TSC2: variants seen among roughly 807,000 people sequenced by gnomAD.
TSC2 encodes tuberin.
In TSC2, 29 loss-of-function variants were observed where a neutral mutation model predicts 202.2. The ratio of observed to expected loss-of-function variants is 0.14; its 90% CI spans 0.11 to 0.20. The LOEUF is 0.20. Among genes scored for constraint, TSC2 ranks in the 10% least tolerant of loss-of-function variants. The pLI is 1.00. For missense variants in TSC2, 2,429 were observed against 2,420.0 expected (o/e 1.00, Z -0.08); for synonymous variants, 1,349 against 1,044.0 (o/e 1.29, Z -5.63).
At chr16:2,080,014 C>T in intron 29 of TSC2, 151 bp from the exon 30 acceptor site, 1 of 1,083,512 alleles carries the variant, frequency 9.2e-7, no homozygotes, top group South Asian at 1.4e-5. Context: ...GAGGCCAGCA[C>T]TGTGGTGGGC....
intron 38 of TSC2, 58 bp from the exon 39 acceptor site, chr16:2,087,805 G>T (rs116828573): frequency 1.3e-6 from 2 of 1,593,088 alleles, no homozygotes; most frequent in Middle Eastern, 1.7e-4. Flanking sequence ...GGCAGTAGCC[G>T]AGATCAGCCT....
In TSC2 at chr16:2,056,239, A is replaced by G. The variant is rs1293515155; in HGVS notation, c.643A>G (p.Ile215Val). ...LCVRTASSVD[I>V]EVSLQVLDAV... ...CGTCCGGACCGCGTCCTCTGTGGAC[A>G]TAGAGGTCAGTGCCTCCCCTCCCCA... The change falls in exon 7 of 42, where the codon ATA (isoleucine) becomes GTA (valine). Residue 215 changes from isoleucine to valine, a missense_variant. Coordinates refer to ENST00000219476, the MANE Select transcript of TSC2 (RefSeq NM_000548.5). 8.1e-6 allele frequency: 13 copies of G among 1,613,892 alleles called. No homozygotes were observed. The highest frequency in any genetic ancestry group is 4.5e-5 in the East Asian group (2 of 44,892).
At chr16:2,075,942 G>T in intron 23 of TSC2, 50 bp downstream of exon 23, 1 of 1,612,578 alleles carries the variant, frequency 6.2e-7, no homozygotes, top group Non-Finnish European at 8.5e-7. Flanking sequence ...CCCCCGCTAG[G>T]CCTTGCGGCA....
At chr16:2,050,807 T>G (rs1274957973) in intron 3 of TSC2, among the ~76,000 whole-genome samples, 3 of 151,710 alleles carry the variant, frequency 2.0e-5, no homozygotes, top group Non-Finnish European at 4.4e-5. Flanking sequence ...CAGGCTGGTC[T>G]TGAACTCCTG....
chr16:2,071,740 C>A (rs2151302409), intron 18 of TSC2, 44 bp from the exon 19 acceptor site: 1 of 1,598,734 alleles, frequency 6.3e-7, no homozygotes, highest in Non-Finnish European at 8.5e-7. Flanking sequence ...TGTTCCGTTC[C>A]TGCTGCGGGG....
chr16:2,049,479 A>G (rs1296120771), intron 2 of TSC2, among the ~76,000 whole-genome samples: 2 of 152,222 alleles, frequency 1.3e-5, no homozygotes, highest in Non-Finnish European at 2.9e-5. Flanking sequence ...TTGCACTTGT[A>G]AAGTTTTCTA....
At chr16:2,063,225 C>A in intron 14 of TSC2, 172 bp downstream of exon 14, 1 of 806,110 alleles carries the variant, frequency 1.2e-6, no homozygotes, top group Non-Finnish European at 2.0e-6. Context: ...CACTGGCTTG[C>A]TCGTCCTGGG....
Position 2,080,648 on chromosome 16 carries a change from C to T in TSC2, c.3610+271C>T, listed in dbSNP as rs578196360. On this transcript the variant is annotated intron_variant, in intron 30 of 41. Coordinates refer to ENST00000219476, the MANE Select transcript of TSC2 (RefSeq NM_000548.5). ...ACAGGCGCCCGCCACCACGCCTGGC[C>T]AATTTTTTTGTATTTCTAGTAGAGA... The T allele has an allele frequency of 1.5e-3, 682 of 462,242 alleles. 3 individuals are homozygous for T. Among genetic ancestry groups the T allele is most frequent in the South Asian group, 4.4e-3 (195 of 44,638 alleles). The allele number at this position is 462,242 out of a possible 1,614,324, so 28.6% of individuals were successfully genotyped here.
rs544340999 is a variant in TSC2 at position 2,089,398 on chromosome 16, G to C, written c.*788G>C. On this transcript the variant is annotated 3_prime_UTR_variant, in exon 42 of 42. Transcript: ENST00000219476. Reference sequence around the variant, plus strand: ...ACCCTCCCTGAAGCCAGCAGCCTTAGCAGTGGGGGACATCTGCCCAGGGGG... The same window carrying C: ...ACCCTCCCTGAAGCCAGCAGCCTTACCAGTGGGGGACATCTGCCCAGGGGG... 1 of 439,276 alleles carries C rather than the reference G, an allele frequency of 2.3e-6. No homozygotes were observed. The highest frequency in any genetic ancestry group is 3.8e-5 in the Admixed American group (1 of 26,282). The allele number at this position is 439,276 out of a possible 1,614,324, so 27.2% of individuals were successfully genotyped here.
Position 2,062,550 on chromosome 16 carries a change from C to A in TSC2, c.1311C>A (p.Ala437=), listed in dbSNP as rs752435039. The change falls in exon 13 of 42, where the codon GCC becomes GCA. Residue 437 remains alanine (A), a synonymous_variant. Transcript: ENST00000219476. ...ISYRAQSIHP[A]KDGWIQNLQA... Reference sequence around the variant, plus strand: ...ATAGAGCGCAGTCCATCCACCCGGCCAAGGACGGCTGGATTCAGAACCTGC... The same window carrying A: ...ATAGAGCGCAGTCCATCCACCCGGCAAAGGACGGCTGGATTCAGAACCTGC... 4.3e-6 allele frequency: 7 copies of A among 1,612,580 alleles called. No homozygotes were observed. The highest frequency in any genetic ancestry group is 5.9e-6 in the Non-Finnish European group (7 of 1,179,314).
intron 30 of TSC2, 94 bp from the exon 31 acceptor site, chr16:2,081,501 C>T: frequency 6.5e-7 from 1 of 1,537,102 alleles, no homozygotes; most frequent in Non-Finnish European, 9.0e-7. Flanking sequence ...AGCATGAGGG[C>T]AAAACCAGGG....
At chr16:2,073,081 C>T (rs367723118) in intron 21 of TSC2, 98 bp downstream of exon 21, 3 of 1,568,916 alleles carry the variant, frequency 1.9e-6, no homozygotes, top group Admixed American at 3.6e-5. Context: ...CGAGTTTCTG[C>T]CAGGCCAGGG....
At position 2,055,458 on chromosome 16, in the gene TSC2, C is replaced by G. The variant is rs45485591; in HGVS notation, c.538C>G (p.Leu180Val). ...VGLSSEFLLVLVNLVKFNSCY... is the reference protein window; with the variant it reads ...VGLSSEFLLVVVNLVKFNSCY... ...CTTGTCCTCGGAATTCCTTCTGGTGCTGGTGAACTTGGTCAAATTCAATAG... is the reference window on the plus strand; with the variant it reads ...CTTGTCCTCGGAATTCCTTCTGGTGGTGGTGAACTTGGTCAAATTCAATAG... Residue 180 changes from leucine (L) to valine (V), a missense_variant, in exon 6 of 42, where the codon CTG becomes GTG. By Grantham distance (32) the Leu-to-Val change is conservative. Coordinates refer to ENST00000219476, the MANE Select transcript of TSC2 (RefSeq NM_000548.5). 38 of 1,614,080 alleles carry G rather than the reference C, an allele frequency of 2.4e-5. No homozygotes were observed. The highest frequency in any genetic ancestry group is 3.1e-5 in the Non-Finnish European group (37 of 1,180,048).
chr16:2,061,833 G>T, intron 11 of TSC2, 38 bp from the exon 12 acceptor site: 1 of 1,613,938 alleles, frequency 6.2e-7, no homozygotes, highest in Non-Finnish European at 8.5e-7. Flanking sequence ...CATGTGGGGA[G>T]TGGAAGTCAG....
intron 21 of TSC2, among the ~76,000 whole-genome samples, 163 bp from the exon 22 acceptor site, chr16:2,074,037 A>G (rs1336800370): frequency 2.0e-5 from 3 of 152,246 alleles, no homozygotes; most frequent in Admixed American, 6.5e-5. Flanking sequence ...TGCTGTGCAG[A>G]GTCTGCTCGG....
chr16:2,087,311 C>T (rs1414244626), intron 38 of TSC2: 3 of 335,900 alleles, frequency 8.9e-6, no homozygotes, highest in Non-Finnish European at 1.7e-5. Flanking sequence ...TGAGCCCCAG[C>T]ATGGCGGGGA....
rs747237113 is a variant in TSC2, at chr16:2,058,784, G to A, written c.886G>A (p.Val296Met). 3.8e-6 allele frequency: 6 copies of A among 1,593,554 alleles called. No individual in the cohort carries two copies. The African/African-American group carries it at 4.0e-5, about 11-fold the overall frequency. Residue 296 changes from valine to methionine, a missense_variant, in exon 10 of 42, where the codon GTG becomes ATG. Val to Met is a conservative substitution (Grantham distance 21). Transcript: ENST00000219476. ...MEDAPLLRGA[V>M]FFVGMALWGA... Reference sequence around the variant, plus strand: ...GGACGCGCCCCTGCTGAGAGGAGCCGTGTTTTTTGTGGGCATGGCTCTCTG... The same window carrying A: ...GGACGCGCCCCTGCTGAGAGGAGCCATGTTTTTTGTGGGCATGGCTCTCTG...
chr16:2,056,589 T>C (rs2085860105), intron 7 of TSC2, 55 bp from the exon 8 acceptor site: 1 of 1,598,696 alleles, frequency 6.3e-7, no homozygotes, highest in Admixed American at 1.7e-5. Flanking sequence ...GGGTGTCCTC[T>C]CCTGTGGGGA....
intron 11 of TSC2, 191 bp downstream of exon 11, chr16:2,061,004 T>C: frequency 1.4e-6 from 1 of 738,948 alleles, no homozygotes; most frequent in Non-Finnish European, 2.2e-6. Context: ...CCAGACGTGG[T>C]GCATCGTTTA....
Sources: allele counts gnomAD v4.1 joint callset (sites outside exome capture counted in the v4.1 genomes callset), GRCh38; gene constraint gnomAD v4.1.1; transcripts MANE v1.5; gene names NCBI Gene and HGNC (gene_info 2026-07-23, HGNC 2026-07-21).